The following MMD2 variants were observed in gnomAD, a reference collection of about 807,000 sequenced individuals.
MMD2 encodes the protein monocyte to macrophage differentiation factor 2.
In MMD2, 30 loss-of-function variants were observed where a neutral mutation model predicts 33.5. The ratio of observed to expected loss-of-function variants is 0.90; its 90% CI spans 0.67 to 1.22. The LOEUF (loss-of-function observed/expected upper bound fraction) is 1.22, where lower values mean the gene tolerates loss of function less well. Among genes scored for constraint, MMD2 ranks in the 50% most tolerant of loss-of-function variants. MMD2 has a pLI of 0.00. For missense variants in MMD2, 364 were observed against 325.4 expected (o/e 1.12, Z -0.91); for synonymous variants, 129 against 123.0 (o/e 1.05, Z -0.32).
At chr7:4,918,483 C>CTTTTT (rs60393757) in intron 3 of MMD2, among the ~76,000 whole-genome samples, 3 of 131,024 alleles carry the variant, frequency 2.3e-5, no homozygotes, top group African/African-American at 2.9e-5. Flanking sequence ...TTCTTTCTTT[C>CTTTTT]TTTTTTTTTT....
intron 1 of MMD2, among the ~76,000 whole-genome samples, chr7:4,937,763 G>A (rs1366744199): frequency 6.6e-6 from 1 of 151,428 alleles, no homozygotes; most frequent in African/African-American, 2.4e-5. Context: ...CCCTGCCTCA[G>A]CCTCTCGAGT....
chr7:4,915,906 G>C, intron 4 of MMD2, 99 bp downstream of exon 4: 1 of 1,243,532 alleles, frequency 8.0e-7, no homozygotes, highest in Non-Finnish European at 1.2e-6. Context: ...TAACTCCTTT[G>C]TGCCAAGTCA....
chr7:4,904,387 G>A (rs1784833537), downstream of MMD2, among the ~76,000 whole-genome samples: 1 of 152,146 alleles, frequency 6.6e-6, no homozygotes, highest in East Asian at 1.9e-4. Context: ...TGGGTGAAAT[G>A]GAATCCTGGG....
chr7:4,929,984 C>T (rs1416638494), intron 1 of MMD2, among the ~76,000 whole-genome samples: 2 of 151,940 alleles, frequency 1.3e-5, no homozygotes, highest in Non-Finnish European at 2.9e-5. Context: ...TAAGATGAGG[C>T]CAGGGCCGGG....
At chr7:4,929,446 C>T (rs1785516636) in intron 1 of MMD2, among the ~76,000 whole-genome samples, 1 of 152,124 alleles carries the variant, frequency 6.6e-6, no homozygotes, top group African/African-American at 2.4e-5. Flanking sequence ...CCCATCCACC[C>T]ACCTTCCTCA....
intron 2 of MMD2, 21 bp downstream of exon 2, chr7:4,925,430 G>T: frequency 6.6e-7 from 1 of 1,506,380 alleles, no homozygotes; most frequent in Non-Finnish European, 8.9e-7. Context: ...TCAGCCCTGA[G>T]CCCCCCAAAA....
intron 6 of MMD2, among the ~76,000 whole-genome samples, chr7:4,908,672 G>A (rs1401043841): frequency 3.3e-5 from 5 of 151,898 alleles, no homozygotes; most frequent in Non-Finnish European, 7.4e-5. Flanking sequence ...GCTAAGGAGG[G>A]CGGATCACGA....
chr7:4,894,266 T>C, the MMD2 span, among the ~76,000 whole-genome samples: 5 of 152,144 alleles, frequency 3.3e-5, no homozygotes, highest in Non-Finnish European at 5.9e-5. This position sits in a 1 kb window ranked among gnomAD's most constrained non-coding sequence, Gnocchi z 4.3. Flanking sequence ...TGTAAGGAAG[T>C]CCAGGCCACA....
At chr7:4,907,635 G>A in intron 6 of MMD2, 36 bp from the exon 7 acceptor site, 1 of 1,606,096 alleles carries the variant, frequency 6.2e-7, no homozygotes, top group Non-Finnish European at 8.5e-7. Context: ...ACAGGTCAGA[G>A]GGGCAGTCAG....
At chr7:4,922,306 A>C (rs1032819335) in intron 2 of MMD2, among the ~76,000 whole-genome samples, 2 of 152,068 alleles carry the variant, frequency 1.3e-5, no homozygotes, top group Admixed American at 1.3e-4. Flanking sequence ...GCAGTGGCTC[A>C]TGCCTGTAAT....
downstream of MMD2, among the ~76,000 whole-genome samples, chr7:4,902,816 G>T (rs976654032): frequency 1.3e-5 from 2 of 152,152 alleles, no homozygotes; most frequent in Non-Finnish European, 2.9e-5. Context: ...CTCAGCACTC[G>T]TGGTGCATGA....
chr7:4,946,084 C>T lies in MMD2; in HGVS notation c.47+12887G>A, dbSNP rs1047232669. Among the ~76,000 whole-genome samples the T allele has an allele frequency of 2.0e-5, 3 of 151,824 alleles. No individual in the cohort carries two copies. Among genetic ancestry groups the T allele is most frequent in the Admixed American group, 6.6e-5 (1 of 15,226 alleles). ...ATGCACACACTCACACGCACGCACA[C>T]GCACGCACACACACGCATGCACACG... On this transcript the variant is annotated intron_variant, in intron 1 of 6. Coordinates refer to ENST00000401401, the MANE Select transcript of MMD2 (RefSeq NM_198403.4). This position sits in a 1 kb window ranked among gnomAD's most constrained non-coding sequence, Gnocchi z 5.0.
At chr7:4,924,713 G>C (rs1032478804) in intron 2 of MMD2, among the ~76,000 whole-genome samples, 11 of 152,210 alleles carry the variant, frequency 7.2e-5, no homozygotes, top group Admixed American at 5.9e-4. Flanking sequence ...GGGTTTCATA[G>C]GCAGGGCTGG....
intron 2 of MMD2, among the ~76,000 whole-genome samples, chr7:4,925,001 G>A (rs1040219382): frequency 6.6e-6 from 1 of 152,110 alleles, no homozygotes; most frequent in Non-Finnish European, 1.5e-5. Context: ...CATGATCTCG[G>A]CTCACTGCAA....
chr7:4,912,354 T>G (rs1216406512), intron 4 of MMD2, among the ~76,000 whole-genome samples: 1 of 151,640 alleles, frequency 6.6e-6, no homozygotes, highest in Non-Finnish European at 1.5e-5. Flanking sequence ...GTCAGGAGAT[T>G]GAGACCATCC....
chr7:4,933,968 C>A (rs1785666520), intron 1 of MMD2, among the ~76,000 whole-genome samples: 1 of 127,518 alleles, frequency 7.8e-6, no homozygotes, highest in Non-Finnish European at 1.6e-5. Context: ...TTGAGACAGT[C>A]TCCTAGGCTG....
chr7:4,908,926 CAG>C (rs1013175952), intron 6 of MMD2, among the ~76,000 whole-genome samples: 1 of 149,228 alleles, frequency 6.7e-6, no homozygotes, highest in African/African-American at 2.5e-5. Context: ...GAGGACAGGA[CAG>C]AGTTATAGTT....
At chr7:4,918,766 G>A (rs367751680) in intron 3 of MMD2, among the ~76,000 whole-genome samples, 39 of 151,896 alleles carry the variant, frequency 2.6e-4, no homozygotes, top group African/African-American at 9.2e-4. Context: ...GGGATTACAG[G>A]CATGAGACAC....
intron 1 of MMD2, among the ~76,000 whole-genome samples, chr7:4,950,429 C>G (rs1413750371): frequency 6.6e-6 from 1 of 152,084 alleles, no homozygotes; most frequent in Admixed American, 6.6e-5. Flanking sequence ...ACCGTCACCA[C>G]CATCCATCTC....
Sources: gnomAD v4.1 joint callset for allele counts (sites outside exome capture counted in the v4.1 genomes callset) on GRCh38, gnomAD v4.1.1 for gene constraint, Gnocchi (gnomAD v3.1) non-coding constraint, MANE v1.5 for transcripts, NCBI Gene and HGNC (gene_info 2026-07-23, HGNC 2026-07-21) for gene names.